The following MYT1L variants were observed in gnomAD, a reference collection of about 807,000 sequenced individuals.
MYT1L encodes myelin transcription factor 1 like.
MYT1L carries 12 observed loss-of-function variants against 126.7 expected under a neutral mutation model. The observed-to-expected ratio is 0.09, with a 90% CI of 0.06 to 0.15. The LOEUF (loss-of-function observed/expected upper bound fraction) is 0.15. Ranked by LOEUF, MYT1L falls within the 10% of genes least tolerant of loss-of-function variation. MYT1L has a pLI of 1.00. For synonymous variants in MYT1L, 541 were observed against 604.2 expected, an observed-to-expected ratio of 0.90 and a Z score of 1.53; for missense variants, 979 against 1,585.2, an observed-to-expected ratio of 0.62 and a Z score of 6.49.
At chr2:2,250,177 A>C (rs749769433) in intron 2 of MYT1L, among the ~76,000 whole-genome samples, 1 of 152,162 alleles carries the variant, frequency 6.6e-6, no homozygotes, top group Non-Finnish European at 1.5e-5. Flanking sequence ...CTAGTTATAC[A>C]CTTAAAGGAA....
chr2:2,110,710 A>AC (rs2079328163), intron 3 of MYT1L, among the ~76,000 whole-genome samples: 1 of 151,256 alleles, frequency 6.6e-6, no homozygotes, highest in Non-Finnish European at 1.5e-5. Context: ...TCAGTCTTTC[A>AC]TGGTCAAACT....
chr2:1,990,281 T>C (rs1445417791), intron 5 of MYT1L, among the ~76,000 whole-genome samples: 3 of 152,220 alleles, frequency 2.0e-5, no homozygotes, highest in Non-Finnish European at 4.4e-5. Flanking sequence ...CTATCCTCTA[T>C]TGTACCTATT....
In MYT1L at chr2:2,152,628, G is replaced by T. The variant is rs138313343; in HGVS notation, c.-304+20244C>A. On this transcript the variant is annotated intron_variant, in intron 3 of 24. Coordinates refer to ENST00000647738, the MANE Select transcript of MYT1L (RefSeq NM_001303052.2). The stretch of plus-strand genomic sequence containing the variant: ...AACAGGTGCAGGGGCCTGGCAATCA[G>T]AGGCGTCCCGAGTAGATGAGCCCCG... Among the ~76,000 whole-genome samples, 53 of 152,266 alleles carry T rather than the reference G, an allele frequency of 3.5e-4. 1 individual carries two copies. In the East Asian group the frequency reaches 9.7e-3, roughly 28 times the overall value.
chr2:1,872,989 G>A (rs567272049), intron 18 of MYT1L, among the ~76,000 whole-genome samples: 1 of 152,166 alleles, frequency 6.6e-6, no homozygotes, highest in Non-Finnish European at 1.5e-5. Flanking sequence ...AGGGAGTGAA[G>A]CCAGCAGTCT....
At chr2:2,050,506 C>A (rs898389065) in intron 4 of MYT1L, among the ~76,000 whole-genome samples, 1 of 152,156 alleles carries the variant, frequency 6.6e-6, no homozygotes, top group African/African-American at 2.4e-5. Context: ...CCTAGAGCAC[C>A]AGCTGCGGAG....
intron 14 of MYT1L, among the ~76,000 whole-genome samples, chr2:1,895,274 A>G (rs879414812): frequency 6.6e-6 from 1 of 152,244 alleles, no homozygotes; most frequent in Non-Finnish European, 1.5e-5. Flanking sequence ...TAAAATGGCC[A>G]TACTGCCCAA....
chr2:1,974,718 C>T (rs1336434496), intron 8 of MYT1L: 1 of 152,154 alleles, frequency 6.6e-6, no homozygotes, highest in Non-Finnish European at 1.5e-5. Context: ...TTATCAGATC[C>T]TGGAACTCTG....
intron 18 of MYT1L, among the ~76,000 whole-genome samples, chr2:1,878,664 T>C (rs1440937808): frequency 6.6e-6 from 1 of 152,224 alleles, no homozygotes; most frequent in Non-Finnish European, 1.5e-5. Context: ...GTGACTTTCA[T>C]GTGGGACAGC....
intron 18 of MYT1L, among the ~76,000 whole-genome samples, chr2:1,856,505 G>T (rs2043942562): frequency 6.6e-6 from 1 of 152,152 alleles, no homozygotes; most frequent in African/African-American, 2.4e-5. Context: ...GCCCTCTGAT[G>T]TGTCCTTCCC....
At chr2:1,967,048 T>C (rs2059420766) in intron 8 of MYT1L, among the ~76,000 whole-genome samples, 1 of 152,216 alleles carries the variant, frequency 6.6e-6, no homozygotes, top group Admixed American at 6.5e-5. Context: ...GGGGTACAAG[T>C]GGCTTTTGGT....
chr2:1,840,296 A>G (rs990683306), intron 20 of MYT1L, among the ~76,000 whole-genome samples: 6 of 152,160 alleles, frequency 3.9e-5, no homozygotes, highest in African/African-American at 1.4e-4. Context: ...AGCGGTAGTC[A>G]CAGGCTCCAA....
At chr2:2,292,711 T>C (rs2095617585) in intron 1 of MYT1L, among the ~76,000 whole-genome samples, 2 of 152,154 alleles carry the variant, frequency 1.3e-5, no homozygotes, top group Admixed American at 1.3e-4. Context: ...TTTGTATTTG[T>C]AAATTTAAAA....
intron 2 of MYT1L, among the ~76,000 whole-genome samples, chr2:2,257,060 C>T (rs1320497833): frequency 1.3e-5 from 2 of 152,074 alleles, no homozygotes; most frequent in African/African-American, 4.8e-5. Flanking sequence ...TTCCTGTGCC[C>T]CACCCCCAGA....
chr2:2,120,668 C>G (rs2147879983), intron 3 of MYT1L, among the ~76,000 whole-genome samples: 1 of 151,946 alleles, frequency 6.6e-6, no homozygotes, highest in East Asian at 2.0e-4. Context: ...ACAAGAGAAG[C>G]TAAAAATTTA....
At chr2:2,096,679 G>C (rs1056872502) in intron 3 of MYT1L, among the ~76,000 whole-genome samples, 3 of 152,076 alleles carry the variant, frequency 2.0e-5, no homozygotes, top group Non-Finnish European at 2.9e-5. Context: ...TTCCTTTCAG[G>C]GGTGAGTCCG....
chr2:2,125,238 T>A (rs2081534216), intron 3 of MYT1L, among the ~76,000 whole-genome samples: 1 of 152,152 alleles, frequency 6.6e-6, no homozygotes, highest in Non-Finnish European at 1.5e-5. Flanking sequence ...CAGGCCTTAG[T>A]GAGTGGGGGT....
At chr2:2,295,004 G>A (rs2095650591) in intron 1 of MYT1L, among the ~76,000 whole-genome samples, 1 of 152,138 alleles carries the variant, frequency 6.6e-6, no homozygotes, top group African/African-American at 2.4e-5. Flanking sequence ...TATTCAGGCA[G>A]AGACCGGATC....
chr2:2,225,671 C>T, intron 2 of MYT1L, among the ~76,000 whole-genome samples: 1 of 152,262 alleles, frequency 6.6e-6, no homozygotes, highest in East Asian at 1.9e-4. Flanking sequence ...TCCTCCTGCT[C>T]CTCCATGAGC....
chr2:1,818,512 A>C (rs2038034227), intron 21 of MYT1L, among the ~76,000 whole-genome samples: 1 of 152,200 alleles, frequency 6.6e-6, no homozygotes, highest in Admixed American at 6.5e-5. Flanking sequence ...CCAGGTGTAC[A>C]CTGTTACTGT....
Sources: gnomAD v4.1 joint callset for allele counts (sites outside exome capture counted in the v4.1 genomes callset) on GRCh38, gnomAD v4.1.1 for gene constraint, MANE v1.5 for transcripts, NCBI Gene and HGNC (gene_info 2026-07-23, HGNC 2026-07-21) for gene names.